The following PPP2R1B variants were observed in gnomAD, a reference collection of about 807,000 sequenced individuals.
The protein encoded by PPP2R1B is serine/threonine-protein phosphatase 2A 65 kDa regulatory subunit A beta isoform.
In PPP2R1B, 58 loss-of-function variants were observed where a neutral mutation model predicts 72.7. That is an observed-to-expected ratio of 0.80 (90% CI 0.65 to 0.99). The LOEUF is 0.99. PPP2R1B is among the 50% of genes least tolerant of loss of function. PPP2R1B has a pLI of 0.00. For synonymous variants in PPP2R1B, 256 were observed against 264.6 expected (o/e 0.97, Z 0.32); for missense variants, 695 against 733.6 (o/e 0.95, Z 0.61).
the PPP2R1B span, chr11:111,703,408 G>A: frequency 6.2e-7 from 1 of 1,613,770 alleles, no homozygotes; most frequent in Non-Finnish European, 8.5e-7. Context: ...GAATAGATCA[G>A]CAGAAAACCA....
Position 111,737,988 on chromosome 11 carries a change from A to G in PPP2R1B, c.*3608T>C, listed in dbSNP as rs1037023841. The G allele has an allele frequency of 9.9e-7, 1 of 1,013,758 alleles. No homozygotes were observed. The highest frequency in any genetic ancestry group is 1.7e-5 in the African/African-American group (1 of 58,740). The allele number at this position is 1,013,758 out of a possible 1,614,324, so 62.8% of individuals were successfully genotyped here. On this transcript the variant is annotated 3_prime_UTR_variant, in exon 15 of 15. Transcript: ENST00000527614. ...CGTCCTCCGGAAGATTTCCATCCCAACTGAACGTTATGTAATTTCCTGGAA... is the reference window on the plus strand; with the variant it reads ...CGTCCTCCGGAAGATTTCCATCCCAGCTGAACGTTATGTAATTTCCTGGAA...
chr11:111,752,221 C>T lies in PPP2R1B; in HGVS notation c.1276G>A (p.Asp426Asn). Residue 426 changes from aspartate to asparagine, a missense_variant, in exon 10 of 15, where the codon GAT becomes AAT. By Grantham distance (23) the Asp-to-Asn change is conservative. Coordinates refer to ENST00000527614, the MANE Select transcript of PPP2R1B (RefSeq NM_002716.5). ...LLPAIVELAEDAKWRVRLAII... is the reference protein window; with the variant it reads ...LLPAIVELAENAKWRVRLAII... ...GCCAGGCGGACCCTCCATTTGGCATCTTCTGCCAGCTCCACTATGGCAGGA... is the reference window on the plus strand; with the variant it reads ...GCCAGGCGGACCCTCCATTTGGCATTTTCTGCCAGCTCCACTATGGCAGGA... 1.9e-6 allele frequency: 3 copies of T among 1,614,162 alleles called. No homozygotes were observed. In the South Asian group the frequency reaches 3.3e-5, roughly 18 times the overall value.
intron 11 of PPP2R1B, among the ~76,000 whole-genome samples, chr11:111,743,835 T>C (rs1189134758): frequency 2.0e-5 from 3 of 152,200 alleles, no homozygotes; most frequent in Non-Finnish European, 4.4e-5. Context: ...AATATGCTCT[T>C]ATCAGAGAAA....
At chr11:111,742,356 A>G (rs1279953921) in intron 13 of PPP2R1B, 167 bp downstream of exon 13, 4 of 825,336 alleles carry the variant, frequency 4.8e-6, no homozygotes, top group Admixed American at 3.1e-5. Context: ...TAAATATAAA[A>G]GTCATAGTGG....
chr11:111,722,886 C>A, downstream of PPP2R1B: 2 of 758,852 alleles, frequency 2.6e-6, no homozygotes, highest in Non-Finnish European at 2.1e-6. The surrounding 1 kb of genome is among the most constrained non-coding windows in gnomAD (Gnocchi z 4.4). Context: ...TGTCACAGGC[C>A]CTCTGAGCAC....
At chr11:111,747,112 A>G (rs980353077) in intron 11 of PPP2R1B, among the ~76,000 whole-genome samples, 8 of 152,248 alleles carry the variant, frequency 5.3e-5, no homozygotes, top group African/African-American at 1.9e-4. Flanking sequence ...GAACTGACTC[A>G]GGTTATCTAT....
rs1944403213 is a variant in PPP2R1B at position 111,738,370 on chromosome 11, C to T, written c.*3226G>A. 6 of 985,450 alleles carry T rather than the reference C, an allele frequency of 6.1e-6. No individual in the cohort carries two copies. The highest frequency in any genetic ancestry group is 7.2e-6 in the Non-Finnish European group (6 of 830,026). The allele number at this position is 985,450 out of a possible 1,614,324, so 61.0% of individuals were successfully genotyped here. On this transcript the variant is annotated 3_prime_UTR_variant, in exon 15 of 15. Coordinates refer to ENST00000527614, the MANE Select transcript of PPP2R1B (RefSeq NM_002716.5). ...CTGTTTGGCCACCCTGCCCTGCCAT[C>T]GCCACAGGGACAGAGCCAATGTGAC... is the stretch of plus-strand genomic sequence containing the variant.
intron 7 of PPP2R1B, 119 bp from the exon 8 acceptor site, chr11:111,754,688 G>A (rs1945035223): frequency 7.0e-7 from 1 of 1,438,444 alleles, no homozygotes; most frequent in African/African-American, 1.4e-5. Context: ...AGCAAATAAG[G>A]AAAACAGCTC....
intron 10 of PPP2R1B, among the ~76,000 whole-genome samples, chr11:111,750,293 G>A (rs1203354098): frequency 3.3e-5 from 5 of 152,180 alleles, no homozygotes; most frequent in African/African-American, 4.8e-5. Context: ...GTGAGGAAGG[G>A]GAAACAAACT....
At chr11:111,702,344 G>GGAGGCT in the PPP2R1B span, among the ~76,000 whole-genome samples, 1 of 152,142 alleles carries the variant, frequency 6.6e-6, no homozygotes, top group African/African-American at 2.4e-5. Context: ...CAGTGGTCTG[G>GGAGGCT]GAGGCTGAGG....
At chr11:111,743,744 A>G (rs1359384162) in intron 11 of PPP2R1B, among the ~76,000 whole-genome samples, 1 of 152,226 alleles carries the variant, frequency 6.6e-6, no homozygotes, top group Non-Finnish European at 1.5e-5. Context: ...AGCTCACCAT[A>G]TGCATCATCA....
intron 3 of PPP2R1B, among the ~76,000 whole-genome samples, chr11:111,763,292 A>G (rs1264747269): frequency 6.6e-6 from 1 of 152,220 alleles, no homozygotes; most frequent in Non-Finnish European, 1.5e-5. Context: ...GAGGTTATCA[A>G]GGCCTTTTGC....
At chr11:111,755,730 C>T (rs1945088045) in intron 5 of PPP2R1B, among the ~76,000 whole-genome samples, 1 of 151,836 alleles carries the variant, frequency 6.6e-6, no homozygotes, top group Admixed American at 6.6e-5. Context: ...GCTGGGATTA[C>T]AGGCAGGAGC....
chr11:111,741,373 A>G lies in PPP2R1B; in HGVS notation c.*223T>C. On this transcript the variant is annotated 3_prime_UTR_variant, in exon 15 of 15. Transcript: ENST00000527614. ...ACAATCAAGTGTCAGGAATTGGTCA[A>G]TAAGAACGGCTTAAATAATGATTTA... The G allele has an allele frequency of 7.3e-7, 1 of 1,374,748 alleles. No homozygotes were observed. Among genetic ancestry groups the G allele is most frequent in the Non-Finnish European group, 9.4e-7 (1 of 1,067,378 alleles). 85.2% of individuals were successfully genotyped at this position (1,374,748 alleles called of 1,614,324 possible). A position where few individuals can be genotyped will look rare whatever the true frequency, so the allele number is the denominator to read the frequency against.
chr11:111,758,957 G>C (rs1318075136), intron 5 of PPP2R1B, among the ~76,000 whole-genome samples: 1 of 152,110 alleles, frequency 6.6e-6, no homozygotes, highest in African/African-American at 2.4e-5. Context: ...TGGGGCTTGT[G>C]GTCCTGTACA....
At chr11:111,744,353 A>T (rs1944629694) in intron 11 of PPP2R1B, among the ~76,000 whole-genome samples, 1 of 152,230 alleles carries the variant, frequency 6.6e-6, no homozygotes, top group Non-Finnish European at 1.5e-5. Flanking sequence ...CAAACATCAG[A>T]CTGACTTGCT....
At chr11:111,736,755 T>G (rs1565423737), downstream of PPP2R1B, among the ~76,000 whole-genome samples, 1 of 152,240 alleles carries the variant, frequency 6.6e-6, no homozygotes, top group African/African-American at 2.4e-5. Flanking sequence ...GTTACTTCAT[T>G]GAATTTTCAC....
intron 10 of PPP2R1B, among the ~76,000 whole-genome samples, chr11:111,749,105 A>G (rs1386367117): frequency 6.6e-6 from 1 of 152,128 alleles, no homozygotes; most frequent in Non-Finnish European, 1.5e-5. Flanking sequence ...TCAGCCTCCC[A>G]AAGTGCTGGG....
the PPP2R1B span, among the ~76,000 whole-genome samples, chr11:111,689,601 A>C: frequency 9.3e-4 from 142 of 152,344 alleles, no homozygotes; most frequent in African/African-American, 3.2e-3. Context: ...AAAGAAGAGC[A>C]GGGAGACATC....
Sources: gnomAD v4.1 joint callset for allele counts (sites outside exome capture counted in the v4.1 genomes callset) on GRCh38, gnomAD v4.1.1 for gene constraint, Gnocchi (gnomAD v3.1) non-coding constraint, MANE v1.5 for transcripts, NCBI Gene and HGNC (gene_info 2026-07-23, HGNC 2026-07-21) for gene names.